NRXN3: variants seen among roughly 807,000 people sequenced by gnomAD.
NRXN3 encodes neurexin 3.
NRXN3 carries 32 observed loss-of-function variants against 137.6 expected under a neutral mutation model. The observed-to-expected ratio is 0.23, with a 90% CI of 0.18 to 0.31. The LOEUF (loss-of-function observed/expected upper bound fraction) is 0.31, where lower values mean the gene tolerates loss of function less well. Ranked by LOEUF, NRXN3 falls within the 10% of genes least tolerant of loss-of-function variation. NRXN3 has a pLI of 1.00. For missense variants in NRXN3, 1,574 were observed against 2,062.5 expected, an observed-to-expected ratio of 0.76 and a Z score of 4.59; for synonymous variants, 798 against 784.5, an observed-to-expected ratio of 1.02 and a Z score of -0.29.
Position 78,530,421 on chromosome 14 carries a change from T to C in NRXN3, c.758-114699T>C, listed in dbSNP as rs537377992. The stretch of plus-strand genomic sequence containing the variant: ...TATTTCCCCTTTCCCTTGGAAAAAT[T>C]GCATTTTCAGTTGTCAAGGCACTTA... On this transcript the variant is annotated intron_variant, in intron 4 of 20. Transcript: ENST00000335750. 1.6e-3 allele frequency among the ~76,000 whole-genome samples: 243 copies of C among 152,322 alleles called. 3 individuals are homozygous for C. Among genetic ancestry groups the C allele is most frequent in the Non-Finnish European group, 1.1e-3 (73 of 68,034 alleles).
chr14:78,947,878 C>A (rs2099370094), intron 10 of NRXN3, among the ~76,000 whole-genome samples: 1 of 152,166 alleles, frequency 6.6e-6, no homozygotes, highest in South Asian at 2.1e-4. Context: ...GGGAAGCAAT[C>A]TATCTGTGGA....
chr14:79,617,503 T>A (rs1333993794), intron 16 of NRXN3, among the ~76,000 whole-genome samples: 1 of 152,194 alleles, frequency 6.6e-6, no homozygotes, highest in Non-Finnish European at 1.5e-5. Context: ...ACTAAATGTA[T>A]ATATTTAAGA....
At chr14:79,205,837 T>G (rs2066705705) in intron 15 of NRXN3, among the ~76,000 whole-genome samples, 1 of 152,200 alleles carries the variant, frequency 6.6e-6, no homozygotes, top group Admixed American at 6.5e-5. Context: ...TATTTCTCCA[T>G]GTTGCTACAC....
At chr14:79,276,409 C>A (rs80127570) in intron 15 of NRXN3, among the ~76,000 whole-genome samples, 1,939 of 152,256 alleles carry the variant, frequency 0.013, 44 homozygotes, top group African/African-American at 0.045. Flanking sequence ...ACCTGTCTTA[C>A]ATTTGTCCTC....
In NRXN3 at chr14:79,411,098, T is replaced by A. The variant is rs543634196; in HGVS notation, c.3263-56123T>A. 1.4e-3 allele frequency among the ~76,000 whole-genome samples: 214 copies of A among 152,228 alleles called. 2 individuals are homozygous for A. Among genetic ancestry groups the A allele is most frequent in the African/African-American group, 5.0e-3 (206 of 41,558 alleles). On this transcript the variant is annotated intron_variant, in intron 15 of 20. Transcript: ENST00000335750. ...TTTGCATAAGGTAATTTTGTCCAAG[T>A]GGTTACTGTGTGGGTCCTGTTCACA...
At chr14:78,923,707 G>T (rs1337356102) in intron 10 of NRXN3, among the ~76,000 whole-genome samples, 1 of 152,184 alleles carries the variant, frequency 6.6e-6, no homozygotes. Flanking sequence ...ATCTGTGCGT[G>T]TGCCTGAGCA....
intron 10 of NRXN3, among the ~76,000 whole-genome samples, chr14:78,871,323 A>G (rs1201039245): frequency 6.6e-6 from 1 of 151,850 alleles, no homozygotes; most frequent in Non-Finnish European, 1.5e-5. Flanking sequence ...ACAAGTTAAT[A>G]TGTCTGAAAA....
intron 15 of NRXN3, among the ~76,000 whole-genome samples, chr14:79,162,106 T>G (rs1247487513): frequency 1.1e-4 from 1 of 8,992 alleles, no homozygotes. Flanking sequence ...TTTTTTGTTT[T>G]TGTTTTTTTT....
At chr14:78,490,764 A>G (rs2095651665) in intron 4 of NRXN3, among the ~76,000 whole-genome samples, 1 of 152,100 alleles carries the variant, frequency 6.6e-6, no homozygotes, top group South Asian at 2.1e-4. Context: ...ATTCTTAGCC[A>G]CCCTATAAGG....
intron 15 of NRXN3, among the ~76,000 whole-genome samples, chr14:79,461,124 A>G (rs1031517373): frequency 1.3e-5 from 2 of 151,778 alleles, no homozygotes; most frequent in African/African-American, 2.4e-5. Flanking sequence ...TCTGTTATTC[A>G]CCTTTCTCCC....
intron 2 of NRXN3, among the ~76,000 whole-genome samples, chr14:78,260,039 A>T (rs1254496078): frequency 1.3e-5 from 2 of 152,166 alleles, no homozygotes; most frequent in African/African-American, 4.8e-5. Context: ...GAAACTCGGG[A>T]ATGTTATCAG....
At chr14:78,532,740 CT>C (rs964511231) in intron 4 of NRXN3, among the ~76,000 whole-genome samples, 32 of 149,232 alleles carry the variant, frequency 2.1e-4, no homozygotes, top group East Asian at 1.4e-3. Context: ...CTTTCTTCTT[CT>C]TTTTTTTTTC....
At chr14:79,373,277 G>A (rs1236402820) in intron 15 of NRXN3, among the ~76,000 whole-genome samples, 1 of 151,994 alleles carries the variant, frequency 6.6e-6, no homozygotes, top group Non-Finnish European at 1.5e-5. Context: ...TACACAAAAT[G>A]CTCATGGAAA....
intron 3 of NRXN3, among the ~76,000 whole-genome samples, chr14:78,279,856 T>C (rs1254181659): frequency 1.3e-5 from 2 of 152,216 alleles, no homozygotes; most frequent in African/African-American, 2.4e-5. Context: ...TGTTCTTAAA[T>C]GTCTAAAATA....
intron 6 of NRXN3, among the ~76,000 whole-genome samples, chr14:78,664,540 C>G (rs911741029): frequency 6.6e-6 from 1 of 152,148 alleles, no homozygotes; most frequent in Non-Finnish European, 1.5e-5. Flanking sequence ...TTCTGATGTC[C>G]CCTACTTCAT....
chr14:79,538,596 T>C (rs918100928), intron 16 of NRXN3, among the ~76,000 whole-genome samples: 2 of 152,170 alleles, frequency 1.3e-5, no homozygotes, highest in Non-Finnish European at 2.9e-5. Context: ...GTTTGTTTTT[T>C]TCTTGTGAAT....
chr14:78,366,648 T>TA (rs1339770820), intron 4 of NRXN3, among the ~76,000 whole-genome samples: 2 of 152,268 alleles, frequency 1.3e-5, no homozygotes, highest in East Asian at 3.9e-4. Flanking sequence ...AGTCACATCT[T>TA]ACATGGATGG....
chr14:78,483,981 TACACACACACAC>T (rs71979335), intron 4 of NRXN3, among the ~76,000 whole-genome samples: 2,209 of 123,686 alleles, frequency 0.018, 32 homozygotes, highest in Middle Eastern at 0.061. Context: ...GGGATGCTCT[TACACACACACAC>T]ACACACACAC....
At chr14:79,805,341 TA>T in intron 20 of NRXN3, 151 bp downstream of exon 20, 1 of 354,208 alleles carries the variant, frequency 2.8e-6, no homozygotes, top group Admixed American at 4.5e-5. Context: ...TAAGTATACA[TA>T]TATAAATATT....
Sources: gnomAD v4.1 joint callset for allele counts (sites outside exome capture counted in the v4.1 genomes callset) on GRCh38, gnomAD v4.1.1 for gene constraint, MANE v1.5 for transcripts, NCBI Gene and HGNC (gene_info 2026-07-23, HGNC 2026-07-21) for gene names.